Variants in BACE2 observed in about 807,000 individuals in gnomAD.
BACE2 encodes the protein 56 kDa aspartic-like protease.
BACE2 carries 17 observed loss-of-function variants against 46.2 expected under a neutral mutation model. The observed-to-expected ratio is 0.37, with a 90% CI of 0.25 to 0.55. The LOEUF (loss-of-function observed/expected upper bound fraction) is 0.55. Ranked by LOEUF, BACE2 falls within the 20% of genes least tolerant of loss-of-function variation. BACE2 has a pLI of 0.82. For synonymous variants in BACE2, 277 were observed against 295.9 expected (o/e 0.94, Z 0.66); for missense variants, 595 against 698.1 (o/e 0.85, Z 1.66).
intron 2 of BACE2, among the ~76,000 whole-genome samples, chr21:41,231,017 G>A (rs958887118): frequency 5.3e-5 from 8 of 151,988 alleles, no homozygotes; most frequent in East Asian, 1.9e-4. Flanking sequence ...TACTATATCC[G>A]GGTTGAAGCT....
intron 1 of BACE2, among the ~76,000 whole-genome samples, chr21:41,213,640 G>C (rs541775238): frequency 4.6e-5 from 7 of 152,238 alleles, no homozygotes; most frequent in Admixed American, 1.3e-4. Flanking sequence ...CAGGCTTGGT[G>C]GTGGGTGCCT....
intron 1 of BACE2, among the ~76,000 whole-genome samples, chr21:41,198,019 T>C (rs186870396): frequency 6.6e-6 from 1 of 152,080 alleles, no homozygotes; most frequent in East Asian, 1.9e-4. Context: ...TGAGACAGAG[T>C]CTTACTCTGT....
At chr21:41,274,968 CCTT>C (rs2088469207) in intron 8 of BACE2, among the ~76,000 whole-genome samples, 1 of 152,284 alleles carries the variant, frequency 6.6e-6, no homozygotes, top group East Asian at 1.9e-4. Flanking sequence ...GGTAAATTCT[CCTT>C]CTCTTTCTCC....
chr21:41,275,818 C>A lies in BACE2; in HGVS notation c.*194C>A. On this transcript the variant is annotated 3_prime_UTR_variant, in exon 9 of 9. Transcript: ENST00000330333. Reference sequence around the variant, plus strand: ...TCAAGCTTTCAAATCCTCCCTACTTCCAAGAAAAATAATTAAAAAAAAAAC... The same window carrying A: ...TCAAGCTTTCAAATCCTCCCTACTTACAAGAAAAATAATTAAAAAAAAAAC... The A allele has an allele frequency of 1.4e-6, 1 of 696,944 alleles. No individual in the cohort carries two copies. The highest frequency in any genetic ancestry group is 2.3e-6 in the Non-Finnish European group (1 of 434,676). 43.2% of individuals were successfully genotyped at this position (696,944 alleles called of 1,614,324 possible).
intron 1 of BACE2, among the ~76,000 whole-genome samples, chr21:41,205,846 T>G (rs1363626703): frequency 6.6e-6 from 1 of 152,206 alleles, no homozygotes; most frequent in Non-Finnish European, 1.5e-5. Context: ...TGGGGAACAC[T>G]GTATCTTCTT....
chr21:41,197,723 A>G (rs1353180120), intron 1 of BACE2, among the ~76,000 whole-genome samples: 9 of 152,216 alleles, frequency 5.9e-5, no homozygotes, highest in Admixed American at 5.9e-4. Flanking sequence ...ACATTAGGAA[A>G]TATGCAAGTT....
chr21:41,275,107 A>T (rs2088471316), intron 8 of BACE2, among the ~76,000 whole-genome samples: 1 of 152,116 alleles, frequency 6.6e-6, no homozygotes, highest in Non-Finnish European at 1.5e-5. Context: ...GTGCTTCCAT[A>T]TGTGCCCTGC....
chr21:41,263,021 T>C (rs1987978964), intron 8 of BACE2, among the ~76,000 whole-genome samples: 1 of 151,954 alleles, frequency 6.6e-6, no homozygotes, highest in South Asian at 2.1e-4. Flanking sequence ...TGAATACAAA[T>C]GGTGATAATG....
At chr21:41,180,344 A>G (rs1985068655) in intron 1 of BACE2, 1 of 173,064 alleles carries the variant, frequency 5.8e-6, no homozygotes, top group Non-Finnish European at 1.4e-5. Flanking sequence ...CCCTTCAGAG[A>G]TTAGATACTC....
At chr21:41,256,539 GCAC>G in intron 7 of BACE2, among the ~76,000 whole-genome samples, 1 of 152,162 alleles carries the variant, frequency 6.6e-6, no homozygotes, top group East Asian at 1.9e-4. Flanking sequence ...AGCTTCCTCT[GCAC>G]AATAAAACTT....
intron 1 of BACE2, among the ~76,000 whole-genome samples, chr21:41,203,351 G>A (rs1317873574): frequency 6.6e-6 from 1 of 152,108 alleles, no homozygotes; most frequent in East Asian, 1.9e-4. Flanking sequence ...CAAGGTGCTT[G>A]GGGAAGGGTG....
intron 2 of BACE2, among the ~76,000 whole-genome samples, chr21:41,236,262 A>G (rs764484683): frequency 1.3e-5 from 2 of 152,196 alleles, no homozygotes; most frequent in African/African-American, 2.4e-5. Context: ...CTCTACCCCT[A>G]GAGAGCCCCA....
chr21:41,178,913 G>T, intron 1 of BACE2: 1 of 330,592 alleles, frequency 3.0e-6, no homozygotes, highest in Non-Finnish European at 5.7e-6. Flanking sequence ...CATGTGGGAA[G>T]GGGTATTGGT....
At chr21:41,240,622 AG>A (rs1987258569) in intron 3 of BACE2, among the ~76,000 whole-genome samples, 1 of 152,204 alleles carries the variant, frequency 6.6e-6, no homozygotes, top group African/African-American at 2.4e-5. Flanking sequence ...CCTCTCAAGA[AG>A]GTGGGTAGAA....
chr21:41,236,766 C>T (rs1987131003), intron 2 of BACE2: 1 of 152,238 alleles, frequency 6.6e-6, no homozygotes. Context: ...GATGCCGGCA[C>T]CTACCCGTGT....
intron 1 of BACE2, among the ~76,000 whole-genome samples, chr21:41,225,221 G>A (rs991104183): frequency 6.2e-5 from 9 of 146,102 alleles, no homozygotes; most frequent in South Asian, 2.2e-4. Context: ...ACGATAGAGC[G>A]AGACTCCATC....
chr21:41,200,087 TC>T (rs754302059), intron 1 of BACE2, among the ~76,000 whole-genome samples: 5 of 150,710 alleles, frequency 3.3e-5, no homozygotes, highest in Non-Finnish European at 7.4e-5. Context: ...ATAACTAATG[TC>T]AAATGATGAG....
At chr21:41,206,909 A>G (rs1387216088) in intron 1 of BACE2, among the ~76,000 whole-genome samples, 1 of 152,248 alleles carries the variant, frequency 6.6e-6, no homozygotes, top group African/African-American at 2.4e-5. Flanking sequence ...CAGCAGGCGT[A>G]TATGCCTTAT....
chr21:41,210,709 A>G (rs747871), intron 1 of BACE2, among the ~76,000 whole-genome samples: 5,319 of 152,224 alleles, frequency 0.035, 277 homozygotes, highest in African/African-American at 0.12. Flanking sequence ...TGCTTTACAG[A>G]GGCTGCTCAC....
Sources: gnomAD v4.1 joint callset for allele counts (sites outside exome capture counted in the v4.1 genomes callset) on GRCh38, gnomAD v4.1.1 for gene constraint, MANE v1.5 for transcripts, NCBI Gene and HGNC (gene_info 2026-07-23, HGNC 2026-07-21) for gene names.